Variants in ERBB4 observed in about 807,000 individuals in gnomAD.
ERBB4 encodes the protein receptor tyrosine-protein kinase erbB-4.
In ERBB4, 42 loss-of-function variants were observed where a neutral mutation model predicts 158.0. The ratio of observed to expected loss-of-function variants is 0.27; its 90% CI spans 0.21 to 0.34. The LOEUF (loss-of-function observed/expected upper bound fraction) is 0.34. Ranked by LOEUF, ERBB4 falls within the 10% of genes least tolerant of loss-of-function variation. ERBB4 has a pLI of 1.00. For synonymous variants in ERBB4, 583 were observed against 558.7 expected (o/e 1.04, Z -0.61); for missense variants, 1,333 against 1,624.1 (o/e 0.82, Z 3.08).
chr2:212,418,050 A>C (rs576959359), intron 1 of ERBB4, among the ~76,000 whole-genome samples: 10 of 151,958 alleles, frequency 6.6e-5, no homozygotes, highest in African/African-American at 1.2e-4. Flanking sequence ...CAAGTCAGGA[A>C]GAAGGCCCTT....
At chr2:211,993,840 A>G (rs868390778) in intron 2 of ERBB4, among the ~76,000 whole-genome samples, 42 of 151,860 alleles carry the variant, frequency 2.8e-4, no homozygotes, top group African/African-American at 1.0e-3. Context: ...AAGTACTTGC[A>G]TATCAGTGTT....
intron 1 of ERBB4, among the ~76,000 whole-genome samples, chr2:212,215,982 T>C (rs1487458807): frequency 6.6e-6 from 1 of 151,430 alleles, no homozygotes; most frequent in African/African-American, 2.4e-5. Flanking sequence ...TGGATGAACT[T>C]AAATCAGTTT....
chr2:211,546,973 T>C (rs77526696), intron 20 of ERBB4, among the ~76,000 whole-genome samples: 2,381 of 152,216 alleles, frequency 0.016, 56 homozygotes, highest in African/African-American at 0.054. Flanking sequence ...GATGAGGCCA[T>C]GAAATAGCTC....
intron 2 of ERBB4, among the ~76,000 whole-genome samples, chr2:211,962,149 T>C (rs1231012954): frequency 2.0e-5 from 3 of 152,156 alleles, no homozygotes; most frequent in Non-Finnish European, 4.4e-5. Context: ...AAGTTTTCAA[T>C]ATTTGTATAA....
intron 4 of ERBB4, among the ~76,000 whole-genome samples, chr2:211,771,564 AG>A (rs1315552764): frequency 3.9e-5 from 6 of 152,240 alleles, no homozygotes; most frequent in African/African-American, 1.2e-4. Flanking sequence ...AGTTAGCATG[AG>A]TGCAGGTAAG....
At chr2:212,041,786 T>G (rs1159733109) in intron 2 of ERBB4, among the ~76,000 whole-genome samples, 1 of 152,094 alleles carries the variant, frequency 6.6e-6, no homozygotes, top group East Asian at 1.9e-4. Flanking sequence ...ACTTTTTCAC[T>G]CTTTGTTCCC....
In ERBB4 at chr2:211,550,613, C is replaced by G. The variant is rs1459144781; in HGVS notation, c.2487+11290G>C. ...TATATATAAATATATAGATATCTAT[C>G]TCTATATATGAATATATCTATATAT... On this transcript the variant is annotated intron_variant, in intron 20 of 27. Transcript: ENST00000342788. 2.2e-5 allele frequency among the ~76,000 whole-genome samples: 3 copies of G among 138,398 alleles called. 1 individual carries two copies. The highest frequency in any genetic ancestry group is 4.6e-5 in the Non-Finnish European group (3 of 64,684). 90.8% of individuals were successfully genotyped at this position (138,398 alleles called of 152,430 possible).
At chr2:211,630,396 T>A in intron 17 of ERBB4, 66 bp downstream of exon 17, 1 of 1,584,448 alleles carries the variant, frequency 6.3e-7, no homozygotes, top group Non-Finnish European at 8.6e-7. Flanking sequence ...TAATTGAACA[T>A]CATCTAAACC....
intron 2 of ERBB4, among the ~76,000 whole-genome samples, chr2:211,998,403 G>A (rs1475350398): frequency 6.6e-6 from 1 of 150,790 alleles, no homozygotes; most frequent in Non-Finnish European, 1.5e-5. Context: ...ATCTTACTTG[G>A]TCCTTATCAC....
intron 2 of ERBB4, among the ~76,000 whole-genome samples, chr2:211,994,683 T>C (rs1222732754): frequency 1.3e-5 from 2 of 152,094 alleles, no homozygotes; most frequent in Non-Finnish European, 2.9e-5. Flanking sequence ...AGTTTAGACA[T>C]GCATATCTTC....
chr2:212,037,051 C>T (rs1014857467), intron 2 of ERBB4, among the ~76,000 whole-genome samples: 1 of 152,288 alleles, frequency 6.6e-6, no homozygotes, highest in Admixed American at 6.5e-5. Flanking sequence ...CATGTTGCTC[C>T]TCCTTTTCAT....
At chr2:211,931,861 A>C (rs2080186264) in intron 3 of ERBB4, among the ~76,000 whole-genome samples, 1 of 152,080 alleles carries the variant, frequency 6.6e-6, no homozygotes. Flanking sequence ...CTCTATTGAG[A>C]ACTGCATAAG....
intron 20 of ERBB4, among the ~76,000 whole-genome samples, chr2:211,441,118 C>G (rs1438597805): frequency 6.6e-6 from 1 of 152,096 alleles, no homozygotes; most frequent in Admixed American, 6.6e-5. Context: ...CATCTAAATC[C>G]CTTACTGTTG....
intron 2 of ERBB4, among the ~76,000 whole-genome samples, chr2:212,015,044 ATATATATATATATAT>A (rs2076485405): frequency 2.4e-4 from 1 of 4,116 alleles, no homozygotes; most frequent in African/African-American, 6.7e-4. Context: ...AAAAAAAAAT[ATATATATATATATAT>A]ATATATATAT....
intron 3 of ERBB4, among the ~76,000 whole-genome samples, chr2:211,828,469 T>C (rs2077151117): frequency 6.6e-6 from 1 of 152,134 alleles, no homozygotes; most frequent in Non-Finnish European, 1.5e-5. Flanking sequence ...AGAATTCTTC[T>C]AGGGTCATCA....
chr2:211,630,355 G>C, intron 17 of ERBB4, 107 bp downstream of exon 17: 1 of 1,282,232 alleles, frequency 7.8e-7, no homozygotes. Flanking sequence ...AACTTAATTA[G>C]GACACTGAAC....
chr2:212,166,576 G>GAA (rs35242218), intron 1 of ERBB4, among the ~76,000 whole-genome samples: 7,003 of 144,098 alleles, frequency 0.049, 235 homozygotes, highest in Non-Finnish European at 0.067. Flanking sequence ...CACAGAATTA[G>GAA]AAAAAAAAAA....
rs1171703997 is a variant in ERBB4 at position 211,623,909 on chromosome 2, G to GT, written c.2202+12dup. 1.2e-6 allele frequency: 2 copies of GT among 1,613,492 alleles called. No homozygotes were observed. Among genetic ancestry groups the GT allele is most frequent in the African/African-American group, 1.3e-5 (1 of 74,870 alleles). On this transcript the variant is annotated intron_variant, in intron 18 of 27. Transcript: ENST00000342788. ...CAAAACTTAACTAACGATATGCGTT[G>GT]TTTTTTACTTACTTTATAAACCGTT...
chr2:211,848,079 A>C (rs1475870026), intron 3 of ERBB4, among the ~76,000 whole-genome samples: 10 of 152,052 alleles, frequency 6.6e-5, no homozygotes, highest in African/African-American at 2.4e-4. Context: ...CTGCCTTCCA[A>C]ATTCATTCTG....
Sources: gnomAD v4.1 joint callset for allele counts (sites outside exome capture counted in the v4.1 genomes callset) on GRCh38, gnomAD v4.1.1 for gene constraint, MANE v1.5 for transcripts, NCBI Gene and HGNC (gene_info 2026-07-23, HGNC 2026-07-21) for gene names.